The following FHDC1 variants were observed in gnomAD, a reference collection of about 807,000 sequenced individuals.
FHDC1 encodes FH2 domain-containing protein 1.
Under a neutral mutation model 52.6 loss-of-function variants are expected in FHDC1, and 25 were observed. The observed-to-expected ratio is 0.48, with a 90% CI of 0.35 to 0.66. The LOEUF (loss-of-function observed/expected upper bound fraction) is 0.66, where lower values mean the gene tolerates loss of function less well. Ranked by LOEUF, FHDC1 falls within the 30% of genes least tolerant of loss-of-function variation. FHDC1 has a pLI of 0.01. For missense variants in FHDC1, 1,459 were observed against 1,452.8 expected (o/e 1.00, Z -0.07); for synonymous variants, 616 against 581.5 (o/e 1.06, Z -0.85).
intron 1 of FHDC1, among the ~76,000 whole-genome samples, chr4:152,938,162 C>G (rs1739456082): frequency 6.6e-6 from 1 of 151,130 alleles, no homozygotes; most frequent in Non-Finnish European, 1.5e-5. Flanking sequence ...CCTTCCCTCT[C>G]TCTAGAGCAT....
intron 10 of FHDC1, among the ~76,000 whole-genome samples, chr4:152,970,015 T>G (rs184111155): frequency 1.3e-5 from 2 of 152,342 alleles, no homozygotes; most frequent in East Asian, 3.9e-4. Context: ...ATACTTTTCT[T>G]TCTTAAATTC....
the FHDC1 span, among the ~76,000 whole-genome samples, chr4:152,922,289 C>T: frequency 7.2e-5 from 11 of 152,136 alleles, no homozygotes; most frequent in African/African-American, 2.7e-4. Flanking sequence ...CACATACACC[C>T]TCCCAAGACT....
intron 1 of FHDC1, 133 bp from the exon 2 acceptor site, chr4:152,942,791 TGCAA>T: frequency 9.8e-6 from 4 of 408,516 alleles, no homozygotes; most frequent in Admixed American, 8.0e-5. Flanking sequence ...GTCCTTGTAA[TGCAA>T]CTTGGGATGT....
intron 6 of FHDC1, among the ~76,000 whole-genome samples, chr4:152,961,310 C>A (rs1473085170): frequency 6.6e-6 from 1 of 152,200 alleles, no homozygotes; most frequent in Non-Finnish European, 1.5e-5. Flanking sequence ...CCGTGTGACT[C>A]TTCTGCCAGG....
chr4:152,947,817 AGAG>A (rs1739780011), intron 2 of FHDC1, among the ~76,000 whole-genome samples: 2 of 148,812 alleles, frequency 1.3e-5, no homozygotes, highest in Non-Finnish European at 3.0e-5. Flanking sequence ...CAGAAGAGAG[AGAG>A]AGAGAGAGAG....
At chr4:152,930,506 C>T in the FHDC1 span, among the ~76,000 whole-genome samples, 1 of 152,076 alleles carries the variant, frequency 6.6e-6, no homozygotes, top group South Asian at 2.1e-4. Flanking sequence ...CTAGATTTAA[C>T]CCCAAAAGAC....
chr4:152,970,132 A>G (rs1258822933), intron 10 of FHDC1, among the ~76,000 whole-genome samples: 1 of 152,216 alleles, frequency 6.6e-6, no homozygotes, highest in Non-Finnish European at 1.5e-5. Context: ...TCTATGCCAT[A>G]AGAAGTGGGG....
chr4:152,919,092 A>G, the FHDC1 span, among the ~76,000 whole-genome samples: 8 of 152,248 alleles, frequency 5.3e-5, no homozygotes, highest in South Asian at 1.2e-3. Context: ...TGTTTTCAAT[A>G]ATGATAATTA....
chr4:152,974,807 C>A lies in FHDC1; in HGVS notation c.1516C>A (p.Leu506Met). The A allele has an allele frequency of 6.4e-7, 1 of 1,571,528 alleles. No homozygotes were observed. ...GRSSSENDVE[L>M]LTKKGAEGLL... is the part of the protein sequence containing the mutation. ...GAGCAGCAGTGAGAATGATGTGGAG[C>A]TGCTGACCAAGAAGGGTGCAGAGGG... Residue 506 changes from leucine to methionine, a missense_variant, in exon 12 of 12, where the codon CTG (leucine) becomes ATG (methionine). Leu to Met is a conservative substitution (Grantham distance 15). Around this residue, in one of 3 missense-constraint regions of FHDC1, gnomAD observed 939 missense variants for 854.5 expected, o/e 1.10. Transcript: ENST00000511601.
intron 11 of FHDC1, among the ~76,000 whole-genome samples, chr4:152,973,371 C>T (rs772376873): frequency 2.0e-5 from 3 of 152,214 alleles, no homozygotes; most frequent in African/African-American, 4.8e-5. Flanking sequence ...TTTGTGTTCT[C>T]GACCCCTCCT....
intron 10 of FHDC1, among the ~76,000 whole-genome samples, chr4:152,968,794 T>C (rs545268199): frequency 1.7e-3 from 257 of 152,336 alleles, no homozygotes; most frequent in Middle Eastern, 0.01. Context: ...AGTTAAACTT[T>C]CGGATAACAG....
rs1405629902 is a variant in FHDC1 at position 152,976,931 on chromosome 4, G to A, written c.*208G>A. 7 of 508,688 alleles carry A rather than the reference G, an allele frequency of 1.4e-5. No individual in the cohort carries two copies. Among genetic ancestry groups the A allele is most frequent in the Non-Finnish European group, 1.9e-5 (6 of 312,006 alleles). 31.5% of individuals were successfully genotyped at this position (508,688 alleles called of 1,614,324 possible). ...CCCTGCTGCAGTCCAGCGTCCAGAT[G>A]GATGCACGTTCACTACTGTGACGGC... On this transcript the variant is annotated 3_prime_UTR_variant, in exon 12 of 12. Coordinates refer to ENST00000511601, the MANE Select transcript of FHDC1 (RefSeq NM_001371116.1).
chr4:152,924,929 G>A, the FHDC1 span, among the ~76,000 whole-genome samples: 1 of 150,960 alleles, frequency 6.6e-6, no homozygotes, highest in African/African-American at 2.4e-5. Context: ...GTTAATGGGT[G>A]CAGCACACCA....
In FHDC1 at chr4:152,975,551, T is replaced by A. The variant is rs1740835000; in HGVS notation, c.2260T>A (p.Leu754Met). The A allele has an allele frequency of 5.6e-6, 9 of 1,613,492 alleles. No individual in the cohort carries two copies. The highest frequency in any genetic ancestry group is 7.6e-6 in the Non-Finnish European group (9 of 1,179,980). The stretch of plus-strand genomic sequence containing the variant: ...CCCCGATGAGCCTGGAAGTGCAGCT[T>A]TGGGATCTGTGGGTAGCAGCGACCC... ...AAPDEPGSAALGSVGSSDPEN... is the reference protein window; with the variant it reads ...AAPDEPGSAAMGSVGSSDPEN... Residue 754 changes from leucine (L) to methionine (M), a missense_variant, in exon 12 of 12, where the codon TTG becomes ATG. This residue lies in a region of FHDC1 where 939 missense variants were observed against 854.5 expected (regional missense o/e 1.10). Transcript: ENST00000511601.
rs756344940 is a variant in FHDC1 at position 152,975,821 on chromosome 4, T to A, written c.2530T>A (p.Cys844Ser). The part of the protein sequence containing the change: ...APVSVDSEPS[C>S]KGGLPRDKPT... ...CGTCTCTGTGGATAGTGAGCCCAGC[T>A]GCAAGGGCGGCCTGCCCAGGGACAA... The change falls in exon 12 of 12, where the codon TGC (cysteine) becomes AGC (serine). Residue 844 changes from cysteine (C) to serine (S), a missense_variant. Cys to Ser is a moderately radical substitution (Grantham distance 112). Coordinates refer to ENST00000511601, the MANE Select transcript of FHDC1 (RefSeq NM_001371116.1). The A allele has an allele frequency of 1.3e-5, 20 of 1,520,990 alleles. No homozygotes were observed. The highest frequency in any genetic ancestry group is 1.8e-5 in the Non-Finnish European group (20 of 1,136,016). The allele number at this position is 1,520,990 out of a possible 1,614,324, so 94.2% of individuals were successfully genotyped here.
At chr4:152,928,005 G>A in the FHDC1 span, 3 of 1,473,048 alleles carry the variant, frequency 2.0e-6, no homozygotes, top group African/African-American at 2.8e-5. Flanking sequence ...CCCTCATCCT[G>A]CAAGTCTCTC....
intron 2 of FHDC1, among the ~76,000 whole-genome samples, chr4:152,950,649 G>T (rs867475075): frequency 4.6e-5 from 7 of 152,218 alleles, no homozygotes; most frequent in South Asian, 2.1e-4. Flanking sequence ...AGGCTCTCTT[G>T]CCTGGGGAGA....
intron 1 of FHDC1, among the ~76,000 whole-genome samples, chr4:152,938,190 C>CTTTT (rs72024131): frequency 3.1e-4 from 42 of 136,260 alleles, no homozygotes; most frequent in South Asian, 1.2e-3. Flanking sequence ...CACGCATGTG[C>CTTTT]TTTTTTTTTT....
Position 152,954,311 on chromosome 4 carries a change from T to A in FHDC1, c.655T>A (p.Ser219Thr), listed in dbSNP as rs1476075713. The A allele has an allele frequency of 6.2e-7, 1 of 1,613,302 alleles. No individual in the cohort carries two copies. The highest frequency in any genetic ancestry group is 8.5e-7 in the Non-Finnish European group (1 of 1,179,332). The change falls in exon 4 of 12, where the codon TCA becomes ACA. Residue 219 changes from serine to threonine, a missense_variant. Ser to Thr is a moderately conservative substitution (Grantham distance 58). This residue lies in a region of FHDC1 where 513 missense variants were observed against 581.5 expected (regional missense o/e 0.88). Coordinates refer to ENST00000511601, the MANE Select transcript of FHDC1 (RefSeq NM_001371116.1). ...LREFLKFLPE[S>T]EEVKKLKAFS... is the part of the protein sequence containing the mutation. ...AGAATTTCTTAAGTTTTTGCCAGAG[T>A]CAGAAGAGGTAAGAAATTCAGCGCA...
Sources: gnomAD v4.1 joint callset for allele counts (sites outside exome capture counted in the v4.1 genomes callset) on GRCh38, gnomAD v4.1.1 for gene constraint, gnomAD v4.1.1 regional missense constraint, MANE v1.5 for transcripts, NCBI Gene and HGNC (gene_info 2026-07-23, HGNC 2026-07-21) for gene names.